MAPKAPK5: variants seen among roughly 807,000 people sequenced by gnomAD.
MAPKAPK5 encodes the protein MAP kinase-activated protein kinase 5.
A neutral mutation model predicts 65.1 loss-of-function variants in MAPKAPK5; 30 were observed. That is an observed-to-expected ratio of 0.46 (90% confidence interval 0.34 to 0.63). MAPKAPK5 has a LOEUF of 0.63. MAPKAPK5 is among the 20% of genes least tolerant of loss of function. The pLI is 0.01. For synonymous variants in MAPKAPK5, 179 were observed against 204.6 expected (o/e 0.87, Z 1.07); for missense variants, 433 against 581.4 (o/e 0.74, Z 2.63).
intron 7 of MAPKAPK5, among the ~76,000 whole-genome samples, chr12:111,877,143 G>A (rs1462112326): frequency 6.6e-6 from 1 of 151,904 alleles, no homozygotes; most frequent in Non-Finnish European, 1.5e-5. Flanking sequence ...TCAGCCTCCC[G>A]AGTAGCTGGG....
chr12:111,858,486 A>G (rs1271007650), intron 1 of MAPKAPK5, among the ~76,000 whole-genome samples: 1 of 142,212 alleles, frequency 7.0e-6, no homozygotes, highest in African/African-American at 2.6e-5. Context: ...ATTTCTTTCT[A>G]TGTATTTTCA....
At chr12:111,889,886 T>C in intron 12 of MAPKAPK5, 154 bp from the exon 13 acceptor site, 1 of 604,554 alleles carries the variant, frequency 1.7e-6, no homozygotes, top group Admixed American at 2.7e-5. Flanking sequence ...GTCTACATAA[T>C]GTAGGGACTA....
chr12:111,880,241 T>C, intron 7 of MAPKAPK5: 1 of 564,112 alleles, frequency 1.8e-6, no homozygotes, highest in East Asian at 3.0e-5. Context: ...TTCATGTCCT[T>C]GACCTGAGTA....
At chr12:111,848,944 A>G (rs1319191212) in intron 1 of MAPKAPK5, among the ~76,000 whole-genome samples, 1 of 151,180 alleles carries the variant, frequency 6.6e-6, no homozygotes, top group Non-Finnish European at 1.5e-5. Context: ...TTGTATTTTT[A>G]GTAGAGATGA....
chr12:111,857,449 C>T (rs767624018), intron 1 of MAPKAPK5, among the ~76,000 whole-genome samples: 13 of 152,096 alleles, frequency 8.5e-5, no homozygotes, highest in Non-Finnish European at 1.2e-4. Flanking sequence ...GACGAGGTTT[C>T]GCCATGTTGG....
chr12:111,892,461 A>G (rs1463120250), intron 13 of MAPKAPK5, among the ~76,000 whole-genome samples: 1 of 152,182 alleles, frequency 6.6e-6, no homozygotes, highest in Non-Finnish European at 1.5e-5. Flanking sequence ...TCTTTTTAAA[A>G]AATCTTCGTT....
At position 111,901,080 on chromosome 12, in the gene MAPKAPK5, C is replaced by T. The variant is rs771372137; in HGVS notation, c.*8019C>T. 2.2e-6 allele frequency: 1 copy of T among 456,038 alleles called. No homozygotes were observed. Among genetic ancestry groups the T allele is most frequent in the South Asian group, 1.5e-5 (1 of 64,560 alleles). The allele number at this position is 456,038 out of a possible 1,614,324, so 28.2% of individuals were successfully genotyped here. On this transcript the variant is annotated 3_prime_UTR_variant, in exon 14 of 14. Coordinates refer to ENST00000550735, the MANE Select transcript of MAPKAPK5 (RefSeq NM_003668.4). Reference sequence around the variant, plus strand: ...TACAGGCTTACCAAAAATCAATCTCCAACATACAATGATTCAGGTCCCTCA... The same window carrying T: ...TACAGGCTTACCAAAAATCAATCTCTAACATACAATGATTCAGGTCCCTCA...
intron 1 of MAPKAPK5, among the ~76,000 whole-genome samples, chr12:111,851,349 A>C (rs2069076626): frequency 6.6e-6 from 1 of 151,144 alleles, no homozygotes; most frequent in African/African-American, 2.4e-5. Context: ...TTTTTGAGAA[A>C]GAGTCTGGCT....
chr12:111,848,009 A>T (rs2068956740), intron 1 of MAPKAPK5, among the ~76,000 whole-genome samples: 1 of 152,288 alleles, frequency 6.6e-6, no homozygotes, highest in South Asian at 2.1e-4. Context: ...CATTTAGATT[A>T]TTTCTAGTTT....
chr12:111,884,491 G>A (rs760510535), intron 9 of MAPKAPK5, among the ~76,000 whole-genome samples: 2 of 152,236 alleles, frequency 1.3e-5, no homozygotes, highest in African/African-American at 4.8e-5. Flanking sequence ...GATTACAGGC[G>A]TGAGCCACCG....
intron 1 of MAPKAPK5, among the ~76,000 whole-genome samples, chr12:111,857,119 A>G (rs926855252): frequency 1.3e-5 from 2 of 152,098 alleles, no homozygotes; most frequent in Non-Finnish European, 2.9e-5. Context: ...ATTGTCATGT[A>G]TATCTTTATA....
chr12:111,866,211 C>T lies in MAPKAPK5; in HGVS notation c.166C>T (p.Arg56Cys), dbSNP rs766126807. ...GTTTGCGCTGAAAATTCTTCTTGAT[C>T]GTCCAAAAGCTAGAAATGAGGTATG... The part of the protein sequence containing the change: ...ERFALKILLD[R>C]PKARNEVRLH... Residue 56 changes from arginine (R) to cysteine (C), a missense_variant, in exon 3 of 14, where the codon CGT (arginine) becomes TGT (cysteine). By Grantham distance (180) the Arg-to-Cys change is radical. Around this residue, in one of 3 missense-constraint regions of MAPKAPK5, gnomAD observed 165 missense variants for 180.0 expected, o/e 0.92. Coordinates refer to ENST00000550735, the MANE Select transcript of MAPKAPK5 (RefSeq NM_003668.4). The T allele has an allele frequency of 5.0e-6, 8 of 1,611,892 alleles. No individual in the cohort carries two copies. Among genetic ancestry groups the T allele is most frequent in the South Asian group, 4.4e-5 (4 of 90,534 alleles).
Position 111,901,780 on chromosome 12 carries a change from G to C in MAPKAPK5, c.*8719G>C. 5.5e-6 allele frequency: 1 copy of C among 180,388 alleles called. No homozygotes were observed. The highest frequency in any genetic ancestry group is 1.1e-4 in the South Asian group (1 of 8,976). 11.2% of individuals were successfully genotyped at this position (180,388 alleles called of 1,614,324 possible). Reference sequence around the variant, plus strand: ...GAGTGGGAATGAGATGTTTGGTGAAGTAGAAATAGATAGCTTTAGTGGCTC... The same window carrying C: ...GAGTGGGAATGAGATGTTTGGTGAACTAGAAATAGATAGCTTTAGTGGCTC... On this transcript the variant is annotated 3_prime_UTR_variant, in exon 14 of 14. Transcript: ENST00000550735.
chr12:111,851,942 A>G (rs2069098229), intron 1 of MAPKAPK5, among the ~76,000 whole-genome samples: 1 of 152,222 alleles, frequency 6.6e-6, no homozygotes, highest in Non-Finnish European at 1.5e-5. Context: ...TCAAGAGCTA[A>G]TAGACACCAC....
chr12:111,901,444 G>C lies in MAPKAPK5; in HGVS notation c.*8383G>C. On this transcript the variant is annotated 3_prime_UTR_variant, in exon 14 of 14. Transcript: ENST00000550735. ...AATCACAATATGACTCATTCCAGAC[G>C]TGAAGAACATGCTGTAGACATGATG... is the stretch of plus-strand genomic sequence containing the variant. 2 of 455,980 alleles carry C rather than the reference G, an allele frequency of 4.4e-6. No individual in the cohort carries two copies. Among genetic ancestry groups the C allele is most frequent in the Non-Finnish European group, 8.8e-6 (2 of 226,774 alleles). The allele number at this position is 455,980 out of a possible 1,614,324, so 28.2% of individuals were successfully genotyped here.
intron 13 of MAPKAPK5, among the ~76,000 whole-genome samples, chr12:111,892,605 A>G (rs1010181435): frequency 6.6e-6 from 1 of 152,146 alleles, no homozygotes; most frequent in African/African-American, 2.4e-5. Flanking sequence ...TGAAGTACCT[A>G]TTCAAGTCTT....
intron 12 of MAPKAPK5, 76 bp from the exon 13 acceptor site, chr12:111,889,964 C>T (rs749189033): frequency 4.1e-5 from 36 of 879,850 alleles, no homozygotes; most frequent in Non-Finnish European, 6.7e-5. Context: ...TTGGACATCA[C>T]GTCCCTCCAT....
chr12:111,866,160 T>A lies in MAPKAPK5; in HGVS notation c.115T>A (p.Cys39Ser). The A allele has an allele frequency of 6.2e-7, 1 of 1,605,442 alleles. No individual in the cohort carries two copies. The highest frequency in any genetic ancestry group is 8.5e-7 in the Non-Finnish European group (1 of 1,176,410). ...GAGISGPVRV[C>S]VKKSTQERFA... Reference sequence around the variant, plus strand: ...ATTTTTTTTCTCCAAATCTAGAGTCTGTGTAAAGAAATCTACTCAAGAACG... The same window carrying A: ...ATTTTTTTTCTCCAAATCTAGAGTCAGTGTAAAGAAATCTACTCAAGAACG... The change falls in exon 3 of 14, where the codon TGT becomes AGT. Residue 39 changes from cysteine (C) to serine (S), a missense_variant. Cys to Ser is a moderately radical substitution (Grantham distance 112). This residue lies in a region of MAPKAPK5 where 165 missense variants were observed against 180.0 expected (regional missense o/e 0.92). Transcript: ENST00000550735.
chr12:111,855,355 A>C (rs2069199930), intron 1 of MAPKAPK5, among the ~76,000 whole-genome samples: 1 of 152,120 alleles, frequency 6.6e-6, no homozygotes, highest in Non-Finnish European at 1.5e-5. Context: ...TAAAGGTAGA[A>C]GGTTAGGTTA....
Sources: gnomAD v4.1 joint callset for allele counts (sites outside exome capture counted in the v4.1 genomes callset) on GRCh38, gnomAD v4.1.1 for gene constraint, gnomAD v4.1.1 regional missense constraint, MANE v1.5 for transcripts, NCBI Gene and HGNC (gene_info 2026-07-23, HGNC 2026-07-21) for gene names.